The following PCDHGA3 variants were observed in gnomAD, a reference collection of about 807,000 sequenced individuals.
PCDHGA3 encodes the protein protocadherin gamma subfamily A, 3.
A neutral mutation model predicts 58.5 loss-of-function variants in PCDHGA3; 40 were observed. That is an observed-to-expected ratio of 0.68 (90% CI 0.53 to 0.89). The LOEUF (loss-of-function observed/expected upper bound fraction) is 0.89, where lower values mean the gene tolerates loss of function less well. PCDHGA3 is among the 40% of genes least tolerant of loss of function. PCDHGA3 has a pLI of 0.00. For synonymous variants in PCDHGA3, 530 were observed against 525.7 expected, an observed-to-expected ratio of 1.01 and a Z score of -0.11; for missense variants, 1,223 against 1,195.9, an observed-to-expected ratio of 1.02 and a Z score of -0.33.
Position 141,431,278 on chromosome 5 carries a change from C to A in PCDHGA3, c.2425-63529C>A, listed in dbSNP as rs755533628. On this transcript the variant is annotated intron_variant, in intron 1 of 3. Transcript: ENST00000253812. The surrounding 1 kb of genome is among the most constrained non-coding windows in gnomAD (Gnocchi z 4.8). ...ACTCTCTGCAGAGCTACGAGCTCAG[C>A]CCGAACACTCACTTCTCCCTCATCG... 6.2e-7 allele frequency: 1 copy of A among 1,614,170 alleles called. No individual in the cohort carries two copies. The highest frequency in any genetic ancestry group is 8.5e-7 in the Non-Finnish European group (1 of 1,180,038).
At chr5:141,395,036 G>A in intron 1 of PCDHGA3, 2 of 1,614,110 alleles carry the variant, frequency 1.2e-6, no homozygotes, top group Non-Finnish European at 8.5e-7. Context: ...CACATTTTGT[G>A]GGTGTTGAGG....
chr5:141,424,232 C>A (rs182055138), intron 1 of PCDHGA3: 1 of 158,642 alleles, frequency 6.3e-6, no homozygotes, highest in East Asian at 1.9e-4. Context: ...TATTTTGATT[C>A]TTGGTGGCTG....
intron 1 of PCDHGA3, among the ~76,000 whole-genome samples, chr5:141,443,695 A>G (rs1324985529): frequency 1.3e-5 from 2 of 152,272 alleles, no homozygotes; most frequent in Non-Finnish European, 2.9e-5. Context: ...TTCAAAAATT[A>G]TAGAATAACA....
At chr5:141,375,596 G>C (rs574950493) in intron 1 of PCDHGA3, 86 of 1,614,108 alleles carry the variant, frequency 5.3e-5, no homozygotes, top group Non-Finnish European at 6.9e-5. Context: ...GTCCTCCTAC[G>C]TGTCCATCAA....
rs17097251 is a variant in PCDHGA3 at position 141,383,615 on chromosome 5, C to T, written c.2424+37158C>T. On this transcript the variant is annotated intron_variant, in intron 1 of 3. Coordinates refer to ENST00000253812, the MANE Select transcript of PCDHGA3 (RefSeq NM_018916.4). ...ACAGTGGTGGATGTGAATGACCACA[C>T]GCCTGTCTTCTCTCTGCCTCAGTAC... 8,353 of 1,613,802 alleles carry T rather than the reference C, an allele frequency of 5.2e-3. 355 individuals are homozygous for T. The African/African-American group carries it at 0.098, about 19-fold the overall frequency.
At chr5:141,415,347 C>G in intron 1 of PCDHGA3, 1 of 1,614,238 alleles carries the variant, frequency 6.2e-7, no homozygotes, top group South Asian at 1.1e-5. Flanking sequence ...GGCGCTGGCA[C>G]AAGTCACGCC....
At chr5:141,441,757 G>A (rs1423867327) in intron 1 of PCDHGA3, 2 of 381,638 alleles carry the variant, frequency 5.2e-6, no homozygotes, top group Middle Eastern at 6.5e-4. Context: ...GTCAACGTGA[G>A]CCTGCGCGTG....
chr5:141,469,868 C>T (rs749624047), intron 1 of PCDHGA3, among the ~76,000 whole-genome samples: 6 of 152,228 alleles, frequency 3.9e-5, no homozygotes, highest in Non-Finnish European at 7.3e-5. Flanking sequence ...CAATGGCTCA[C>T]GCCTGTAATC....
intron 1 of PCDHGA3, chr5:141,385,006 G>T (rs762264055): frequency 1.2e-6 from 2 of 1,614,090 alleles, no homozygotes; most frequent in Admixed American, 3.3e-5. Flanking sequence ...AGTCTCCTGC[G>T]TCTTCCTAGC....
chr5:141,432,367 C>A lies in PCDHGA3; in HGVS notation c.2425-62440C>A, dbSNP rs2097491556. 6.2e-7 allele frequency: 1 copy of A among 1,614,246 alleles called. No individual in the cohort carries two copies. The highest frequency in any genetic ancestry group is 8.5e-7 in the Non-Finnish European group (1 of 1,180,040). The stretch of plus-strand genomic sequence containing the variant: ...TGCAAGTGAAAGTGATGGCGCGGGA[C>A]AACGGGCACCCGCCCCTCAGCAGCA... On this transcript the variant is annotated intron_variant, in intron 1 of 3. Transcript: ENST00000253812. This position sits in a 1 kb window ranked among gnomAD's most constrained non-coding sequence, Gnocchi z 6.0.
At chr5:141,375,216 T>G in intron 1 of PCDHGA3, 1 of 1,614,014 alleles carries the variant, frequency 6.2e-7, no homozygotes, top group Non-Finnish European at 8.5e-7. Flanking sequence ...GACTCTGGCC[T>G]GAATGGCCTG....
At position 141,364,741 on chromosome 5, in the gene PCDHGA3, G is replaced by C. The variant is rs774257321; in HGVS notation, c.2424+18284G>C. 5.6e-6 allele frequency: 9 copies of C among 1,613,840 alleles called. No homozygotes were observed. In the Admixed American group the frequency reaches 1.5e-4, roughly 27 times the overall value. Reference sequence around the variant, plus strand: ...ACTTCCCGCGTTTCCGGGATGAAGAGTTAAAAGTAAAAGTTAATGAAAATG... The same window carrying C: ...ACTTCCCGCGTTTCCGGGATGAAGACTTAAAAGTAAAAGTTAATGAAAATG... On this transcript the variant is annotated intron_variant, in intron 1 of 3. Transcript: ENST00000253812.
intron 1 of PCDHGA3, chr5:141,409,980 C>T (rs2095343394): frequency 6.2e-7 from 1 of 1,613,322 alleles, no homozygotes; most frequent in Non-Finnish European, 8.5e-7. Context: ...AAGGTGGTAG[C>T]GGTGGACGCC....
chr5:141,437,719 TA>T (rs1316054877), intron 1 of PCDHGA3, among the ~76,000 whole-genome samples: 1 of 151,332 alleles, frequency 6.6e-6, no homozygotes, highest in African/African-American at 2.4e-5. Context: ...AGTTACCCTC[TA>T]ATGTTACACT....
intron 1 of PCDHGA3, chr5:141,386,033 G>A (rs1205491473): frequency 1.3e-5 from 2 of 152,154 alleles, no homozygotes; most frequent in Admixed American, 6.6e-5. Flanking sequence ...TTGTGACATA[G>A]GCAATTACAT....
chr5:141,405,704 C>T (rs1589592020), intron 1 of PCDHGA3, among the ~76,000 whole-genome samples: 1 of 152,286 alleles, frequency 6.6e-6, no homozygotes, highest in East Asian at 1.9e-4. Context: ...TCTTGAATTC[C>T]TAACCTCAAG....
At chr5:141,407,316 G>A (rs2094914682) in intron 1 of PCDHGA3, among the ~76,000 whole-genome samples, 1 of 152,094 alleles carries the variant, frequency 6.6e-6, no homozygotes, top group Non-Finnish European at 1.5e-5. Flanking sequence ...TTCATACTTA[G>A]TATTTATAAA....
intron 1 of PCDHGA3, chr5:141,366,452 G>A (rs1764567762): frequency 3.7e-6 from 6 of 1,614,196 alleles, no homozygotes; most frequent in East Asian, 4.5e-5. Flanking sequence ...CCTGGCCTTC[G>A]TCATCGTGCT....
At chr5:141,409,896 C>A (rs1181128940) in intron 1 of PCDHGA3, 1 of 1,613,240 alleles carries the variant, frequency 6.2e-7, no homozygotes, top group African/African-American at 1.3e-5. Context: ...GTGCTGTACC[C>A]AGCTCTGGGT....
Sources: gnomAD v4.1 joint callset for allele counts (sites outside exome capture counted in the v4.1 genomes callset) on GRCh38, gnomAD v4.1.1 for gene constraint, Gnocchi (gnomAD v3.1) non-coding constraint, MANE v1.5 for transcripts, NCBI Gene and HGNC (gene_info 2026-07-23, HGNC 2026-07-21) for gene names.